APLF: variants seen among roughly 807,000 people sequenced by gnomAD.
APLF encodes aprataxin and PNK-like factor.
Under a neutral mutation model 55.6 loss-of-function variants are expected in APLF, and 61 were observed. That is an observed-to-expected ratio of 1.10 (90% CI 0.89 to 1.36). The LOEUF (loss-of-function observed/expected upper bound fraction) is 1.36, where lower values mean the gene tolerates loss of function less well. Among genes scored for constraint, APLF ranks in the 40% most tolerant of loss-of-function variants. The pLI, the probability that APLF is intolerant of heterozygous loss-of-function variation, is 0.00. For synonymous variants in APLF, 207 were observed against 214.8 expected, an observed-to-expected ratio of 0.96 and a Z score of 0.32; for missense variants, 611 against 602.5, an observed-to-expected ratio of 1.01 and a Z score of -0.15.
At position 68,579,326 on chromosome 2, in the gene APLF, C is replaced by T. The variant is rs900737265; in HGVS notation, c.*1304C>T. The T allele has an allele frequency of 1.1e-6, 1 of 930,460 alleles. No individual in the cohort carries two copies. Among genetic ancestry groups the T allele is most frequent in the African/African-American group, 1.8e-5 (1 of 56,012 alleles). 57.6% of individuals were successfully genotyped at this position (930,460 alleles called of 1,614,324 possible). On this transcript the variant is annotated 3_prime_UTR_variant, in exon 10 of 10. Coordinates refer to ENST00000303795, the MANE Select transcript of APLF (RefSeq NM_173545.3). ...TATTGTTATTTGGGAACTATTTTTC[C>T]CCTTATAATGTCCCTTTAGCCTTGG...
At chr2:68,514,650 T>TC (rs1669527424) in intron 5 of APLF, among the ~76,000 whole-genome samples, 1 of 151,748 alleles carries the variant, frequency 6.6e-6, no homozygotes, top group Admixed American at 6.6e-5. Context: ...GTGGCTGCCT[T>TC]CCCTCCAGGA....
chr2:68,513,079 G>A lies in APLF; in HGVS notation c.342-1G>A, dbSNP rs200803576. The A allele has an allele frequency of 1.6e-5, 26 of 1,599,026 alleles. No individual in the cohort carries two copies. The highest frequency in any genetic ancestry group is 4.5e-5 in the South Asian group (4 of 88,590). ...AGACCAGTTTCTATTTTATCTTATAGAAACAGTCAAGTGCTTGATGAAGAT... is the reference window on the plus strand; with the variant it reads ...AGACCAGTTTCTATTTTATCTTATAAAAACAGTCAAGTGCTTGATGAAGAT... On this transcript the variant is annotated splice_acceptor_variant, in intron 3 of 9. Coordinates refer to ENST00000303795, the MANE Select transcript of APLF (RefSeq NM_173545.3). LOFTEE classifies it high-confidence loss of function.
At position 68,545,274 on chromosome 2, in the gene APLF, T is replaced by C; in HGVS notation, c.1248T>C (p.Asp416=). 6.2e-7 allele frequency: 1 copy of C among 1,613,922 alleles called. No individual in the cohort carries two copies. ...AAATCGTGGGCCAAGATGAGACTGA[T>C]GACCGGCCTGAATGTCCCTATGGAC... is the stretch of plus-strand genomic sequence containing the variant. ...GVQIVGQDET[D]DRPECPYGPS... The change falls in exon 8 of 10, where the codon GAT becomes GAC. Residue 416 remains aspartate (D), a synonymous_variant. Coordinates refer to ENST00000303795, the MANE Select transcript of APLF (RefSeq NM_173545.3).
At position 68,567,326 on chromosome 2, in the gene APLF, G is replaced by A. The variant is rs1465372322; in HGVS notation, c.1287-15G>A. The A allele has an allele frequency of 6.3e-7, 1 of 1,599,812 alleles. No individual in the cohort carries two copies. Among genetic ancestry groups the A allele is most frequent in the Admixed American group, 1.7e-5 (1 of 58,104 alleles). Reference sequence around the variant, plus strand: ...AATTGGAAGACTAGCTCTTATTTTTGCATTCTTCTTTCAGGAAGAATCCCC... The same window carrying A: ...AATTGGAAGACTAGCTCTTATTTTTACATTCTTCTTTCAGGAAGAATCCCC... On this transcript the variant is annotated splice_polypyrimidine_tract_variant and intron_variant, in intron 8 of 9. Transcript: ENST00000303795.
intron 7 of APLF, among the ~76,000 whole-genome samples, chr2:68,543,492 AAT>A (rs2104014782): frequency 6.6e-6 from 1 of 152,326 alleles, no homozygotes; most frequent in African/African-American, 2.4e-5. Context: ...CTGGAACTCT[AAT>A]AACCTACTGG....
At chr2:68,490,312 G>T (rs758242558) in intron 2 of APLF, 51 bp downstream of exon 2, 1 of 1,513,954 alleles carries the variant, frequency 6.6e-7, no homozygotes, top group East Asian at 2.3e-5. Flanking sequence ...TACCCTTTCA[G>T]TTCCCAAGCA....
chr2:68,557,486 TG>T (rs1671048972), intron 8 of APLF, among the ~76,000 whole-genome samples: 1 of 152,200 alleles, frequency 6.6e-6, no homozygotes, highest in African/African-American at 2.4e-5. Context: ...TAAGAATGTG[TG>T]TTGTTTAGTA....
chr2:68,555,296 A>G (rs1016850560), intron 8 of APLF, among the ~76,000 whole-genome samples: 6 of 152,118 alleles, frequency 3.9e-5, no homozygotes, highest in Non-Finnish European at 7.4e-5. Flanking sequence ...CAATAATAAC[A>G]AAGATAAATA....
chr2:68,526,124 C>A lies in APLF; in HGVS notation c.686C>A (p.Thr229Asn), dbSNP rs1472355065. Residue 229 changes from threonine to asparagine, a missense_variant, in exon 6 of 10, where the codon ACC becomes AAC. Thr to Asn is a moderately conservative substitution (Grantham distance 65, BLOSUM62 0). Transcript: ENST00000303795. ...ICKDKSQLNT[T>N]QQGRRQLISS... ...AAAGATAAATCCCAGCTAAACACAA[C>A]CCAGCAAGGAAGAAGGCAATTAATT... The A allele has an allele frequency of 6.2e-7, 1 of 1,613,682 alleles. No individual in the cohort carries two copies. Among genetic ancestry groups the A allele is most frequent in the Non-Finnish European group, 8.5e-7 (1 of 1,179,968 alleles).
At chr2:68,534,877 A>G (rs937472371) in intron 6 of APLF, among the ~76,000 whole-genome samples, 16 of 152,368 alleles carry the variant, frequency 1.1e-4, no homozygotes, top group African/African-American at 3.8e-4. Flanking sequence ...TAATTGGCAC[A>G]GTGCAAATTT....
intron 5 of APLF, among the ~76,000 whole-genome samples, chr2:68,519,638 CA>C (rs542496313): frequency 4.8e-5 from 7 of 145,048 alleles, no homozygotes; most frequent in East Asian, 2.0e-4. Flanking sequence ...ATGTTATTGA[CA>C]AAAAAAAATT....
intron 6 of APLF, among the ~76,000 whole-genome samples, chr2:68,532,210 T>C (rs992964496): frequency 2.6e-5 from 4 of 152,202 alleles, no homozygotes; most frequent in African/African-American, 9.7e-5. Context: ...AACAAGAGGC[T>C]AGGTTCACCT....
intron 2 of APLF, among the ~76,000 whole-genome samples, chr2:68,493,872 G>A (rs959024216): frequency 1.3e-5 from 2 of 152,158 alleles, no homozygotes; most frequent in African/African-American, 4.8e-5. Flanking sequence ...ACTTTGGGAG[G>A]CTGAGGCGGG....
At chr2:68,509,720 A>T (rs1425028868) in intron 3 of APLF, among the ~76,000 whole-genome samples, 1 of 152,142 alleles carries the variant, frequency 6.6e-6, no homozygotes, top group East Asian at 1.9e-4. Flanking sequence ...ATTACTGGGT[A>T]TATACTCAAA....
Position 68,526,067 on chromosome 2 carries a change from T to C in APLF, c.629T>C (p.Val210Ala), listed in dbSNP as rs762894469. 4 of 1,611,936 alleles carry C rather than the reference T, an allele frequency of 2.5e-6. No individual in the cohort carries two copies. The highest frequency in any genetic ancestry group is 2.2e-5 in the South Asian group (2 of 90,664). Residue 210 changes from valine to alanine, a missense_variant, in exon 6 of 10, where the codon GTA (valine) becomes GCA (alanine). Coordinates refer to ENST00000303795, the MANE Select transcript of APLF (RefSeq NM_173545.3). ...TTTTCTTTATGTGTTTAAGGTAATGTAATCCAGGGAAGTGGAAAAGAAGAA... is the reference window on the plus strand; with the variant it reads ...TTTTCTTTATGTGTTTAAGGTAATGCAATCCAGGGAAGTGGAAAAGAAGAA... The part of the protein sequence containing the change: ...LSVPAISGGN[V>A]IQGSGKEEIC...
chr2:68,514,039 T>C (rs940987265), intron 5 of APLF, among the ~76,000 whole-genome samples: 1 of 151,788 alleles, frequency 6.6e-6, no homozygotes, highest in Non-Finnish European at 1.5e-5. Context: ...TGATATACTT[T>C]CAAGTTTACT....
chr2:68,471,135 C>T (rs1037022579), intron 1 of APLF, among the ~76,000 whole-genome samples: 1 of 152,170 alleles, frequency 6.6e-6, no homozygotes, highest in Non-Finnish European at 1.5e-5. Flanking sequence ...TGATTTCTTC[C>T]TTCCATTTCG....
chr2:68,539,221 A>G (rs1227422786), intron 7 of APLF, among the ~76,000 whole-genome samples: 2 of 152,202 alleles, frequency 1.3e-5, no homozygotes, highest in Non-Finnish European at 2.9e-5. Flanking sequence ...GCAGAATGGA[A>G]GTATATATAC....
chr2:68,531,921 GA>G lies in APLF; in HGVS notation c.804+5681del, dbSNP rs770935471. 5.9e-5 allele frequency among the ~76,000 whole-genome samples: 9 copies of G among 152,328 alleles called. No individual in the cohort carries two copies. In the East Asian group the frequency reaches 1.3e-3, roughly 23 times the overall value. On this transcript the variant is annotated intron_variant, in intron 6 of 9. Coordinates refer to ENST00000303795, the MANE Select transcript of APLF (RefSeq NM_173545.3). ...AGGGAGTATTACAACCAGGTCCGAG[GA>G]ATGCCCAAGTTCTATTTGGCCAGTT...
Sources: gnomAD v4.1 joint callset for allele counts (sites outside exome capture counted in the v4.1 genomes callset) on GRCh38, gnomAD v4.1.1 for gene constraint, MANE v1.5 for transcripts, NCBI Gene and HGNC (gene_info 2026-07-23, HGNC 2026-07-21) for gene names.